The following CCPG1 variants were observed in gnomAD, a reference collection of about 807,000 sequenced individuals.
The protein encoded by CCPG1 is cell cycle progression 1, also known as cell cycle progression protein 1.
Under a neutral mutation model 81.3 loss-of-function variants are expected in CCPG1, and 46 were observed. The observed-to-expected ratio is 0.57, with a 90% confidence interval of 0.45 to 0.72. The LOEUF (loss-of-function observed/expected upper bound fraction) is 0.72, where lower values mean the gene tolerates loss of function less well. Ranked by LOEUF, CCPG1 falls within the 30% of genes least tolerant of loss-of-function variation. The pLI is 0.00. For synonymous variants in CCPG1, 330 were observed against 305.2 expected, an observed-to-expected ratio of 1.08 and a Z score of -0.85; for missense variants, 902 against 937.6, an observed-to-expected ratio of 0.96 and a Z score of 0.50.
chr15:55,383,833 G>A (rs554102111), intron 3 of CCPG1, among the ~76,000 whole-genome samples: 4 of 152,316 alleles, frequency 2.6e-5, no homozygotes, highest in African/African-American at 9.6e-5. Context: ...ATTAGGCTAT[G>A]GCTTAAGGGA....
intron 1 of CCPG1, among the ~76,000 whole-genome samples, chr15:55,393,946 C>T (rs946876634): frequency 2.0e-5 from 3 of 152,212 alleles, no homozygotes; most frequent in Non-Finnish European, 4.4e-5. Flanking sequence ...CGCCACCACA[C>T]TGTGGAGTGT....
chr15:55,377,268 T>C (rs370114414), intron 4 of CCPG1, 118 bp from the exon 5 acceptor site: 30 of 701,066 alleles, frequency 4.3e-5, no homozygotes, highest in Admixed American at 2.6e-4. Context: ...AAAGATATGA[T>C]TCCTACTATT....
At chr15:55,374,262 A>C (rs2141274872) in intron 5 of CCPG1, 1 of 1,265,618 alleles carries the variant, frequency 7.9e-7, no homozygotes, top group East Asian at 5.6e-5. Flanking sequence ...TTTTGTGAAT[A>C]AACAGGAAAA....
Position 55,405,118 on chromosome 15 carries a change from T to C in CCPG1, c.-10+3103A>G, listed in dbSNP as rs551006780. On this transcript the variant is annotated intron_variant, in intron 1 of 8. Transcript: ENST00000442196. ...GGTCACGTCTGTAATCCCAGCACTT[T>C]AGAAGGCTGAGGCAGGCGGACCACC... Among the ~76,000 whole-genome samples, 44 of 151,960 alleles carry C rather than the reference T, an allele frequency of 2.9e-4. 1 individual carries two copies. The South Asian group carries it at 7.9e-3, about 27-fold the overall frequency.
chr15:55,367,592 C>A (rs1192228887), intron 6 of CCPG1, among the ~76,000 whole-genome samples: 1 of 149,010 alleles, frequency 6.7e-6, no homozygotes, highest in Admixed American at 6.8e-5. Flanking sequence ...CCAACACATC[C>A]AGCTGTGTAG....
chr15:55,383,733 C>G (rs1193093030), intron 3 of CCPG1, among the ~76,000 whole-genome samples: 1 of 152,194 alleles, frequency 6.6e-6, no homozygotes, highest in Non-Finnish European at 1.5e-5. Flanking sequence ...CATGAACCAA[C>G]CTCAGCTAGC....
intron 1 of CCPG1, among the ~76,000 whole-genome samples, chr15:55,399,130 G>A (rs1318766703): frequency 6.6e-6 from 1 of 152,076 alleles, no homozygotes; most frequent in Non-Finnish European, 1.5e-5. Context: ...GGTGCCCAGT[G>A]CCATGGAGAA....
intron 3 of CCPG1, among the ~76,000 whole-genome samples, chr15:55,384,275 T>C (rs1201173101): frequency 6.6e-6 from 1 of 152,190 alleles, no homozygotes; most frequent in East Asian, 1.9e-4. Context: ...GCACGGTTCA[T>C]GGTGTCCCAA....
chr15:55,406,241 TG>T (rs2057217455), intron 1 of CCPG1, among the ~76,000 whole-genome samples: 1 of 142,724 alleles, frequency 7.0e-6, no homozygotes. Flanking sequence ...TGCATAAGGG[TG>T]GGGCTTTCCA....
intron 1 of CCPG1, among the ~76,000 whole-genome samples, chr15:55,401,912 G>A (rs764645025): frequency 2.6e-5 from 4 of 152,174 alleles, no homozygotes; most frequent in Non-Finnish European, 1.5e-5. Context: ...TATGGCTGAA[G>A]TAATTTAATT....
intron 1 of CCPG1, among the ~76,000 whole-genome samples, chr15:55,404,184 AAGAC>A (rs1428079450): frequency 6.6e-6 from 1 of 151,948 alleles, no homozygotes; most frequent in Admixed American, 6.6e-5. Context: ...AGCTCCAAAG[AAGAC>A]AACCTAAGAA....
At chr15:55,362,339 AG>A (rs1235059935) in intron 7 of CCPG1, among the ~76,000 whole-genome samples, 9 of 150,490 alleles carry the variant, frequency 6.0e-5, no homozygotes, top group East Asian at 2.0e-4. Context: ...AAAAAAAAAA[AG>A]GAAAAAAAAA....
intron 7 of CCPG1, among the ~76,000 whole-genome samples, chr15:55,364,004 A>G (rs1333636610): frequency 1.3e-5 from 2 of 149,956 alleles, no homozygotes; most frequent in Non-Finnish European, 1.5e-5. Context: ...AGGTTTCACC[A>G]TATTGGCCAG....
intron 2 of CCPG1, among the ~76,000 whole-genome samples, chr15:55,386,512 C>T (rs1352563997): frequency 6.6e-6 from 1 of 152,132 alleles, no homozygotes; most frequent in Non-Finnish European, 1.5e-5. Flanking sequence ...TTCCCTATGT[C>T]CCCACTATAG....
chr15:55,377,132 G>GT lies in CCPG1; in HGVS notation c.270dup (p.Pro91ThrfsTer12). 1 of 1,612,324 alleles carries GT rather than the reference G, an allele frequency of 6.2e-7. No homozygotes were observed. Among genetic ancestry groups the GT allele is most frequent in the Non-Finnish European group, 8.5e-7 (1 of 1,178,686 alleles). On this transcript the variant is annotated frameshift_variant, in exon 5 of 9. Transcript: ENST00000442196. LOFTEE classifies it high-confidence loss of function. ...GTTCCAATATAGATACTGTCTTCGG[G>GT]TATCTTTTGTTCCTCTGCCTGAAGA...
At chr15:55,396,813 A>G (rs1235249743) in intron 1 of CCPG1, among the ~76,000 whole-genome samples, 18 of 152,244 alleles carry the variant, frequency 1.2e-4, no homozygotes, top group Admixed American at 1.2e-3. Flanking sequence ...AGAGCATTTA[A>G]GAAATAGTAG....
At chr15:55,356,813 C>G (rs2056087004) in intron 8 of CCPG1, 1 of 991,402 alleles carries the variant, frequency 1.0e-6, no homozygotes, top group South Asian at 4.6e-5. Context: ...CTTTTTCTTA[C>G]AGCAAAAGCT....
At chr15:55,388,443 G>A (rs907845628) in intron 2 of CCPG1, among the ~76,000 whole-genome samples, 4 of 152,130 alleles carry the variant, frequency 2.6e-5, no homozygotes, top group East Asian at 1.9e-4. Context: ...CTGCTATAAC[G>A]TAAATGGAAC....
chr15:55,394,614 T>C (rs1263542124), intron 1 of CCPG1, among the ~76,000 whole-genome samples: 3 of 152,160 alleles, frequency 2.0e-5, no homozygotes, highest in Non-Finnish European at 4.4e-5. Flanking sequence ...CCCAGTTTAA[T>C]GCTTTGTTTA....
Sources: allele counts gnomAD v4.1 joint callset (sites outside exome capture counted in the v4.1 genomes callset), GRCh38; gene constraint gnomAD v4.1.1; transcripts MANE v1.5; gene names NCBI Gene and HGNC (gene_info 2026-07-23, HGNC 2026-07-21).